SUZ12: variants seen among roughly 807,000 people sequenced by gnomAD.
SUZ12 encodes polycomb protein SUZ12.
In SUZ12, 17 loss-of-function variants were observed where a neutral mutation model predicts 87.3. That is an observed-to-expected ratio of 0.19 (90% CI 0.13 to 0.29). SUZ12 has a LOEUF of 0.29. SUZ12 is among the 10% of genes least tolerant of loss of function. The pLI is 1.00. For missense variants in SUZ12, 526 were observed against 912.2 expected, an observed-to-expected ratio of 0.58 and a Z score of 5.45; for synonymous variants, 253 against 312.4, an observed-to-expected ratio of 0.81 and a Z score of 2.01.
intron 4 of SUZ12, among the ~76,000 whole-genome samples, chr17:31,953,438 C>T (rs1907104527): frequency 6.6e-6 from 1 of 152,012 alleles, no homozygotes; most frequent in African/African-American, 2.4e-5. Flanking sequence ...GACAAGGTCT[C>T]GCTTTGTCAC....
At chr17:31,940,678 TG>T (rs1464991532) in intron 3 of SUZ12, among the ~76,000 whole-genome samples, 192 bp downstream of exon 3, 1 of 151,936 alleles carries the variant, frequency 6.6e-6, no homozygotes. Flanking sequence ...GTATAATCTT[TG>T]TAAGTCTCAG....
At chr17:31,947,452 C>T (rs1256548927) in intron 3 of SUZ12, among the ~76,000 whole-genome samples, 165 bp from the exon 4 acceptor site, 12 of 152,252 alleles carry the variant, frequency 7.9e-5, no homozygotes, top group East Asian at 3.9e-4. Flanking sequence ...CTGTATTATA[C>T]ACCGTCTCCA....
Position 31,994,697 on chromosome 17 carries a change from C to T in SUZ12, c.1571C>T (p.Pro524Leu). The T allele has an allele frequency of 1.2e-6, 2 of 1,613,730 alleles. No homozygotes were observed. Among genetic ancestry groups the T allele is most frequent in the Non-Finnish European group, 1.7e-6 (2 of 1,179,872 alleles). Residue 524 changes from proline to leucine, a missense_variant, in exon 13 of 16, where the codon CCT (proline) becomes CTT (leucine). Around this residue, in one of 9 missense-constraint regions of SUZ12, gnomAD observed 143 missense variants for 321.6 expected, o/e 0.44. Coordinates refer to ENST00000322652, the MANE Select transcript of SUZ12 (RefSeq NM_015355.4). ...FSRNGPVKRT[P>L]ITHILVCRPK... The stretch of plus-strand genomic sequence containing the variant: ...CGCAACGGACCAGTTAAGAGAACAC[C>T]TATCACACATATTCTTGTGTGCAGG...
At chr17:31,990,066 T>C (rs539714158) in intron 10 of SUZ12, among the ~76,000 whole-genome samples, 2 of 150,854 alleles carry the variant, frequency 1.3e-5, no homozygotes, top group South Asian at 4.2e-4. Flanking sequence ...GCCAATTTCC[T>C]GCCTCAGCCT....
intron 12 of SUZ12, 68 bp downstream of exon 12, chr17:31,994,076 C>T (rs1000499625): frequency 3.5e-6 from 5 of 1,432,950 alleles, no homozygotes; most frequent in Non-Finnish European, 3.7e-6. Flanking sequence ...ATATATACAT[C>T]TATGTACCCA....
intron 4 of SUZ12, among the ~76,000 whole-genome samples, chr17:31,953,576 T>C (rs1263642194): frequency 6.6e-6 from 1 of 151,878 alleles, no homozygotes; most frequent in Non-Finnish European, 1.5e-5. Context: ...CCTCACTAAT[T>C]TTTTGAATTT....
intron 9 of SUZ12, 136 bp downstream of exon 9, chr17:31,983,240 G>A (rs530599980): frequency 1.5e-6 from 1 of 679,498 alleles, no homozygotes; most frequent in Non-Finnish European, 2.4e-6. Context: ...ACAAGTAAAT[G>A]ATCTAGTCAG....
At chr17:31,973,341 T>G (rs1908544871) in intron 6 of SUZ12, 110 bp downstream of exon 6, 1 of 1,008,420 alleles carries the variant, frequency 9.9e-7, no homozygotes, top group Non-Finnish European at 1.4e-6. Flanking sequence ...TTTGAAAGCT[T>G]AAGAAATGTG....
intron 4 of SUZ12, among the ~76,000 whole-genome samples, chr17:31,950,644 A>G (rs752284517): frequency 1.3e-5 from 2 of 152,304 alleles, no homozygotes; most frequent in Non-Finnish European, 2.9e-5. Context: ...AGATTGTGCT[A>G]CTGCACTCCA....
Position 31,998,562 on chromosome 17 carries a change from ACT to A in SUZ12, c.1875-95_1875-94del, listed in dbSNP as rs1910104760. 8 of 801,488 alleles carry A rather than the reference ACT, an allele frequency of 1.0e-5. No homozygotes were observed. In the South Asian group the frequency reaches 2.1e-4, roughly 21 times the overall value. 49.6% of individuals were successfully genotyped at this position (801,488 alleles called of 1,614,324 possible). A position where few individuals can be genotyped will look rare whatever the true frequency, so the allele number is the denominator to read the frequency against. On this transcript the variant is annotated intron_variant, in intron 15 of 15. Transcript: ENST00000322652. ...TGCTTCTTTAATCATCTTTTATTTT[ACT>A]GGAATTGGATATAGTCTTATTATAA...
chr17:31,976,662 T>A, intron 8 of SUZ12, 48 bp downstream of exon 8: 2 of 1,329,484 alleles, frequency 1.5e-6, no homozygotes, highest in Non-Finnish European at 1.1e-6. Flanking sequence ...TGGAAATGTT[T>A]TCATTCTGAA....
At chr17:31,951,603 C>T (rs1381181242) in intron 4 of SUZ12, among the ~76,000 whole-genome samples, 1 of 151,420 alleles carries the variant, frequency 6.6e-6, no homozygotes, top group Non-Finnish European at 1.5e-5. Context: ...CCTCAGCCTT[C>T]TGAGTAGCTG....
intron 4 of SUZ12, among the ~76,000 whole-genome samples, chr17:31,950,411 A>C (rs941745316): frequency 6.6e-6 from 1 of 152,204 alleles, no homozygotes. Flanking sequence ...CAGGCCGGGC[A>C]TAGTGGCTCA....
chr17:31,954,477 C>T (rs1445407464), intron 4 of SUZ12, among the ~76,000 whole-genome samples: 3 of 151,998 alleles, frequency 2.0e-5, no homozygotes, highest in Non-Finnish European at 2.9e-5. Context: ...TTCTTGGGGG[C>T]GCGTTTCATT....
intron 1 of SUZ12, among the ~76,000 whole-genome samples, chr17:31,939,689 G>A (rs1391257892): frequency 3.9e-5 from 6 of 151,992 alleles, no homozygotes; most frequent in Non-Finnish European, 8.8e-5. Context: ...CCTATGCCTG[G>A]CTGTTTTTGT....
intron 5 of SUZ12, among the ~76,000 whole-genome samples, chr17:31,972,023 C>T (rs1417636337): frequency 6.6e-6 from 1 of 151,948 alleles, no homozygotes; most frequent in African/African-American, 2.4e-5. Context: ...GTGGCTCACA[C>T]CTGTAATCCC....
intron 8 of SUZ12, among the ~76,000 whole-genome samples, chr17:31,982,789 A>G (rs1337074940): frequency 6.6e-6 from 1 of 152,238 alleles, no homozygotes; most frequent in African/African-American, 2.4e-5. Flanking sequence ...TAGCTACAGT[A>G]ATGAATTCCT....
At chr17:31,963,284 A>G (rs1365408295) in intron 4 of SUZ12, among the ~76,000 whole-genome samples, 3 of 151,958 alleles carry the variant, frequency 2.0e-5, no homozygotes, top group African/African-American at 7.2e-5. Flanking sequence ...AGCTGGGACT[A>G]CAGGCGCATG....
Position 31,952,338 on chromosome 17 carries a change from G to A in SUZ12, c.455+4653G>A, listed in dbSNP as rs3883878. The stretch of plus-strand genomic sequence containing the variant: ...GCTTCCCAAAGTTCCGGGATTACAG[G>A]TGTGAGCCACCACGCCTGGCCTTTA... On this transcript the variant is annotated intron_variant, in intron 4 of 15. Coordinates refer to ENST00000322652, the MANE Select transcript of SUZ12 (RefSeq NM_015355.4). Among the ~76,000 whole-genome samples the A allele has an allele frequency of 8.5e-3, 1,294 of 152,288 alleles. 17 individuals are homozygous for A. Among genetic ancestry groups the A allele is most frequent in the African/African-American group, 0.03 (1,236 of 41,544 alleles).
Sources: allele counts gnomAD v4.1 joint callset (sites outside exome capture counted in the v4.1 genomes callset), GRCh38; gene constraint gnomAD v4.1.1; regional missense constraint gnomAD v4.1.1; transcripts MANE v1.5; gene names NCBI Gene and HGNC (gene_info 2026-07-23, HGNC 2026-07-21).